Variants in NCBP1 observed in about 807,000 individuals in gnomAD.
NCBP1 encodes nuclear cap-binding protein subunit 1.
A neutral mutation model predicts 111.7 loss-of-function variants in NCBP1; 16 were observed. That is an observed-to-expected ratio of 0.14 (90% CI 0.10 to 0.22). The LOEUF is 0.22. Ranked by LOEUF, NCBP1 falls within the 10% of genes least tolerant of loss-of-function variation. The pLI, the probability that NCBP1 is intolerant of heterozygous loss-of-function variation, is 1.00. For synonymous variants in NCBP1, 304 were observed against 314.3 expected (o/e 0.97, Z 0.35); for missense variants, 607 against 957.5 (o/e 0.63, Z 4.83).
intron 11 of NCBP1, 35 bp downstream of exon 11, chr9:97,653,943 T>G (rs781382700): frequency 6.6e-7 from 1 of 1,516,324 alleles, no homozygotes; most frequent in South Asian, 1.2e-5. Context: ...TTAATCTCTT[T>G]GGCCTGGTCT....
At chr9:97,636,633 AATACATATATAT>A (rs1195692269) in intron 1 of NCBP1, among the ~76,000 whole-genome samples, 7 of 90,404 alleles carry the variant, frequency 7.7e-5, no homozygotes, top group Non-Finnish European at 8.6e-5. Context: ...TATGGAAAGT[AATACATATATAT>A]ATATATATAT....
chr9:97,657,924 A>T (rs1481955678), intron 14 of NCBP1, among the ~76,000 whole-genome samples: 143 of 119,456 alleles, frequency 1.2e-3, no homozygotes, highest in East Asian at 6.6e-3. Flanking sequence ...ATATATATAT[A>T]TATTTTTTTT....
At chr9:97,644,985 A>G in intron 4 of NCBP1, 132 bp from the exon 5 acceptor site, 1 of 534,654 alleles carries the variant, frequency 1.9e-6, no homozygotes, top group Non-Finnish European at 3.3e-6. Context: ...TGCAAAAAAC[A>G]GGTAGTAGGC....
At chr9:97,659,970 C>T (rs1373252754) in intron 15 of NCBP1, among the ~76,000 whole-genome samples, 1 of 152,148 alleles carries the variant, frequency 6.6e-6, no homozygotes, top group Non-Finnish European at 1.5e-5. Flanking sequence ...GTCTGGAAAG[C>T]CCTTTCTAGC....
chr9:97,647,401 T>C, intron 6 of NCBP1, 91 bp from the exon 7 acceptor site: 1 of 971,946 alleles, frequency 1.0e-6, no homozygotes, highest in Admixed American at 1.9e-5. Flanking sequence ...TGTTATTTCA[T>C]TGCTTTAATT....
At position 97,661,017 on chromosome 9, in the gene NCBP1, A is replaced by G; in HGVS notation, c.1549A>G (p.Ile517Val). 1 of 1,612,874 alleles carries G rather than the reference A, an allele frequency of 6.2e-7. No homozygotes were observed. The highest frequency in any genetic ancestry group is 1.1e-5 in the South Asian group (1 of 91,030). The change falls in exon 16 of 23, where the codon ATC (isoleucine) becomes GTC (valine). Residue 517 changes from isoleucine (I) to valine (V), a missense_variant. This residue lies in a region of NCBP1 where 282 missense variants were observed against 376.5 expected (regional missense o/e 0.75). Transcript: ENST00000375147. ...AFKSKATNDE[I>V]FSILKDVPNP... Reference sequence around the variant, plus strand: ...TAAAAGTAAGGCAACCAATGATGAAATCTTCAGCATTCTGAAAGATGTACC... The same window carrying G: ...TAAAAGTAAGGCAACCAATGATGAAGTCTTCAGCATTCTGAAAGATGTACC...
intron 22 of NCBP1, 47 bp from the exon 23 acceptor site, chr9:97,671,039 T>C (rs1156828449): frequency 1.6e-6 from 2 of 1,276,542 alleles, no homozygotes; most frequent in African/African-American, 3.0e-5. Context: ...ACAAGATTGC[T>C]TATATGCTTT....
chr9:97,649,685 G>A (rs1438653955), intron 8 of NCBP1, among the ~76,000 whole-genome samples: 1 of 151,448 alleles, frequency 6.6e-6, no homozygotes, highest in Non-Finnish European at 1.5e-5. Flanking sequence ...ACTTAGATAT[G>A]TCTAACTGAA....
chr9:97,645,029 C>G (rs1827295316), intron 4 of NCBP1, 88 bp from the exon 5 acceptor site: 1 of 958,028 alleles, frequency 1.0e-6, no homozygotes, highest in Admixed American at 1.9e-5. Flanking sequence ...TTTTTTAGAC[C>G]AATAGTTTAG....
chr9:97,636,666 ATATATAT>A (rs1564015937), intron 1 of NCBP1, among the ~76,000 whole-genome samples: 11 of 142,698 alleles, frequency 7.7e-5, no homozygotes, highest in African/African-American at 2.9e-4. Context: ...ATATATATAT[ATATATAT>A]AAAATCATTT....
At chr9:97,654,991 C>T (rs1564023946) in intron 12 of NCBP1, 47 bp downstream of exon 12, 2 of 1,393,424 alleles carry the variant, frequency 1.4e-6, no homozygotes, top group Non-Finnish European at 9.6e-7. Flanking sequence ...GCTTTTACTT[C>T]CTGTACTTCA....
Position 97,656,019 on chromosome 9 carries a change from G to C in NCBP1, c.1307G>C (p.Cys436Ser). Residue 436 changes from cysteine to serine, a missense_variant, in exon 14 of 23, where the codon TGT becomes TCT. Around this residue, in one of 9 missense-constraint regions of NCBP1, gnomAD observed 282 missense variants for 376.5 expected, o/e 0.75. Transcript: ENST00000375147. ...FRWSWEDWSD[C>S]LSQDPESPKP... ...CTACATTTCCTCCTTAGGTCAGATTGTCTTAGTCAAGATCCTGAAAGTCCC... is the reference window on the plus strand; with the variant it reads ...CTACATTTCCTCCTTAGGTCAGATTCTCTTAGTCAAGATCCTGAAAGTCCC... 1 of 1,613,614 alleles carries C rather than the reference G, an allele frequency of 6.2e-7. No homozygotes were observed. Among genetic ancestry groups the C allele is most frequent in the Non-Finnish European group, 8.5e-7 (1 of 1,179,584 alleles).
Position 97,654,862 on chromosome 9 carries a change from C to T in NCBP1, c.1171-18C>T. The T allele has an allele frequency of 1.2e-6, 2 of 1,611,734 alleles. No homozygotes were observed. Among genetic ancestry groups the T allele is most frequent in the South Asian group, 1.1e-5 (1 of 90,906 alleles). ...GGGATAAAAGTGGAGAATAGTTTTC[C>T]TTATCCTAAATTCACAGCTTGCACA... On this transcript the variant is annotated intron_variant, in intron 11 of 22. Coordinates refer to ENST00000375147, the MANE Select transcript of NCBP1 (RefSeq NM_002486.5).
chr9:97,635,061 T>G (rs1826968655), intron 1 of NCBP1, among the ~76,000 whole-genome samples: 1 of 152,226 alleles, frequency 6.6e-6, no homozygotes, highest in Non-Finnish European at 1.5e-5. Context: ...CATTTTAAAT[T>G]GAGTAAATTT....
chr9:97,655,829 A>T, intron 13 of NCBP1, 65 bp downstream of exon 13: 1 of 1,460,394 alleles, frequency 6.8e-7, no homozygotes, highest in East Asian at 2.3e-5. Context: ...AAACTGTAAC[A>T]TAAAAGTGTC....
chr9:97,633,969 C>T (rs1826911489), intron 1 of NCBP1, 54 bp downstream of exon 1: 19 of 1,530,868 alleles, frequency 1.2e-5, no homozygotes, highest in Non-Finnish European at 1.6e-5. Context: ...AGCCGAGGCT[C>T]GGCGTCTTTG....
chr9:97,653,719 A>T, intron 10 of NCBP1, 79 bp from the exon 11 acceptor site: 1 of 1,050,906 alleles, frequency 9.5e-7, no homozygotes, highest in Non-Finnish European at 1.4e-6. Context: ...TAGAGCTCAG[A>T]TTTAGAATGT....
At chr9:97,666,682 A>C in intron 19 of NCBP1, 81 bp from the exon 20 acceptor site, 1 of 905,534 alleles carries the variant, frequency 1.1e-6, no homozygotes, top group Non-Finnish European at 1.7e-6. Flanking sequence ...GCTGTTAAGA[A>C]TGAAATTACA....
At chr9:97,653,119 CTTTTTTT>C (rs57742118) in intron 10 of NCBP1, among the ~76,000 whole-genome samples, 1 of 123,580 alleles carries the variant, frequency 8.1e-6, no homozygotes, top group Non-Finnish European at 1.7e-5. Context: ...TAAAAGAATT[CTTTTTTT>C]TTTTTTTTTT....
Sources: allele counts gnomAD v4.1 joint callset (sites outside exome capture counted in the v4.1 genomes callset), GRCh38; gene constraint gnomAD v4.1.1; regional missense constraint gnomAD v4.1.1; transcripts MANE v1.5; gene names NCBI Gene and HGNC (gene_info 2026-07-23, HGNC 2026-07-21).